Variants in ITGB4 observed in about 807,000 individuals in gnomAD.
ITGB4 encodes integrin subunit beta 4.
ITGB4 carries 159 observed loss-of-function variants against 207.6 expected under a neutral mutation model. The observed-to-expected ratio is 0.77, with a 90% CI of 0.67 to 0.87. ITGB4 has a LOEUF of 0.87. Ranked by LOEUF, ITGB4 falls within the 40% of genes least tolerant of loss-of-function variation. The probability of loss-of-function intolerance (pLI) is 0.00; values close to 1 mark genes in which losing one functional copy is unlikely to be tolerated. For missense variants in ITGB4, 2,278 were observed against 2,546.8 expected (o/e 0.89, Z 2.27); for synonymous variants, 1,020 against 1,062.7 (o/e 0.96, Z 0.78).
chr17:75,752,722 T>G, intron 32 of ITGB4, 145 bp downstream of exon 32: 1 of 1,031,076 alleles, frequency 9.7e-7, no homozygotes, highest in Non-Finnish European at 1.4e-6. Context: ...GGAGTGCACA[T>G]CTGTGCATGG....
In ITGB4 at chr17:75,736,489, A is replaced by T. The variant is rs775990858; in HGVS notation, c.1861-76A>T. On this transcript the variant is annotated intron_variant, in intron 15 of 39. Coordinates refer to ENST00000200181, the MANE Select transcript of ITGB4 (RefSeq NM_000213.5). ...GATGCCACAGGAGCTGGCCAAGGGC[A>T]AGAGGTTTGGGGAGCGGGGGTCTGG... is the stretch of plus-strand genomic sequence containing the variant. 23 of 1,605,542 alleles carry T rather than the reference A, an allele frequency of 1.4e-5. No homozygotes were observed. The Admixed American group carries it at 3.3e-4, about 23-fold the overall frequency.
chr17:75,733,724 G>A (rs376962333), intron 13 of ITGB4, 32 bp downstream of exon 13: 23 of 1,605,770 alleles, frequency 1.4e-5, no homozygotes, highest in Admixed American at 5.0e-5. Flanking sequence ...AATGCTGATG[G>A]CGGGGTAGGG....
rs1022455130 is a variant in ITGB4, at chr17:75,752,537, T to A, written c.4068T>A (p.Ser1356=). Residue 1356 remains serine (S), a synonymous_variant, in exon 32 of 40, where the codon TCT becomes TCA. Coordinates refer to ENST00000200181, the MANE Select transcript of ITGB4 (RefSeq NM_000213.5). ...TGTACAGCGATGACGTTCTACGCTC[T>A]CCATCGGGCAGCCAGAGGCCCAGCG... ...FLMYSDDVLR[S]PSGSQRPSVS... The A allele has an allele frequency of 1.2e-6, 2 of 1,613,588 alleles. No homozygotes were observed. Among genetic ancestry groups the A allele is most frequent in the Non-Finnish European group, 1.7e-6 (2 of 1,180,000 alleles).
In ITGB4 at chr17:75,750,847, C is replaced by T. The variant is rs1424067071; in HGVS notation, c.3642C>T (p.Arg1214=). 6.2e-7 allele frequency: 1 copy of T among 1,613,380 alleles called. No homozygotes were observed. Residue 1214 remains arginine, a synonymous_variant, in exon 29 of 40, where the codon CGC becomes CGT. Transcript: ENST00000200181. The surrounding 1 kb of genome is among the most constrained non-coding windows in gnomAD (Gnocchi z 5.5). The stretch of plus-strand genomic sequence containing the variant: ...CCTACAGCTCCCTGGTGTCCTGCCG[C>T]ACCCACCAGGAAGGTGAGGCCTCGC... ...EGPYSSLVSC[R]THQEVPSEPG... is the part of the protein sequence containing the mutation.
intron 30 of ITGB4, chr17:75,751,696 G>A (rs909532351): frequency 8.9e-6 from 2 of 225,800 alleles, no homozygotes; most frequent in Admixed American, 5.2e-5. Context: ...AACCGAGATC[G>A]TGTTACCGCA....
rs959591064 is a variant in ITGB4 at position 75,750,335 on chromosome 17, G to A, written c.3474+67G>A. The A allele has an allele frequency of 1.6e-5, 25 of 1,530,290 alleles. No individual in the cohort carries two copies. In the Middle Eastern group the frequency reaches 7.9e-4, roughly 48 times the overall value. 94.8% of individuals were successfully genotyped at this position (1,530,290 alleles called of 1,614,324 possible). ...TCTGGCACCAGCACTCACAGAAGAG[G>A]TGGGCCGTCCAAGGCCAGGGCCCCC... is the stretch of plus-strand genomic sequence containing the variant. On this transcript the variant is annotated intron_variant, in intron 28 of 39. Coordinates refer to ENST00000200181, the MANE Select transcript of ITGB4 (RefSeq NM_000213.5). This position sits in a 1 kb window ranked among gnomAD's most constrained non-coding sequence, Gnocchi z 5.5.
chr17:75,728,450 G>T lies in ITGB4; in HGVS notation c.543G>T (p.Pro181=). The T allele has an allele frequency of 6.2e-7, 1 of 1,613,990 alleles. No individual in the cohort carries two copies. Among genetic ancestry groups the T allele is most frequent in the Non-Finnish European group, 8.5e-7 (1 of 1,179,896 alleles). ...FGKFVDKVSV[P]QTDMRPEKLK... is the part of the protein sequence containing the mutation. ...AGTTTGTGGACAAAGTCAGCGTCCCGCAGACGGACATGAGGCCTGAGAAGT... is the reference window on the plus strand; with the variant it reads ...AGTTTGTGGACAAAGTCAGCGTCCCTCAGACGGACATGAGGCCTGAGAAGT... The change falls in exon 6 of 40, where the codon CCG becomes CCT. Residue 181 remains proline (P), a synonymous_variant. Coordinates refer to ENST00000200181, the MANE Select transcript of ITGB4 (RefSeq NM_000213.5).
chr17:75,732,540 C>T lies in ITGB4; in HGVS notation c.1454+301C>T, dbSNP rs993770173. On this transcript the variant is annotated intron_variant, in intron 12 of 39. Transcript: ENST00000200181. The surrounding 1 kb of genome is among the most constrained non-coding windows in gnomAD (Gnocchi z 5.3). ...AGGCACACGAGGCTTCCTTTTTGCT[C>T]CATGCCTTTGGTATTCTGAGTCCTG... is the stretch of plus-strand genomic sequence containing the variant. Among the ~76,000 whole-genome samples the T allele has an allele frequency of 1.3e-5, 2 of 152,154 alleles. No homozygotes were observed. Among genetic ancestry groups the T allele is most frequent in the African/African-American group, 4.8e-5 (2 of 41,420 alleles).
intron 35 of ITGB4, 138 bp from the exon 36 acceptor site, chr17:75,756,291 T>C: frequency 2.3e-6 from 2 of 859,000 alleles, no homozygotes; most frequent in South Asian, 3.1e-5. Context: ...TACCATACTG[T>C]ACCCAACCTG....
At chr17:75,741,307 C>G (rs2061104300) in intron 23 of ITGB4, among the ~76,000 whole-genome samples, 1 of 152,186 alleles carries the variant, frequency 6.6e-6, no homozygotes, top group African/African-American at 2.4e-5. Flanking sequence ...AGGTACCCAT[C>G]TCCATCCGCT....
chr17:75,748,560 C>T (rs1471365134), intron 26 of ITGB4, among the ~76,000 whole-genome samples: 2 of 151,554 alleles, frequency 1.3e-5, no homozygotes, highest in Non-Finnish European at 2.9e-5. Flanking sequence ...ATCCCAGCTA[C>T]TCAGGAAGAT....
Position 75,757,074 on chromosome 17 carries a change from G to T in ITGB4, c.5185G>T (p.Glu1729Ter), listed in dbSNP as rs1483655550. The change falls in exon 38 of 40, where the codon GAG becomes TAG. Residue 1729 changes from glutamate (E) to a stop codon, truncating the protein, a stop_gained. Transcript: ENST00000200181. LOFTEE classifies it high-confidence loss of function. The stretch of plus-strand genomic sequence containing the variant: ...CACTGAGGGCTTCGGGCCAGAGCGC[G>T]AGGGCATCATCACCATAGAGTCCCA... The part of the protein sequence containing the change: ...RTTEGFGPER[E>*]GIITIESQDG... The T allele has an allele frequency of 6.2e-7, 1 of 1,612,888 alleles. No homozygotes were observed. The highest frequency in any genetic ancestry group is 8.5e-7 in the Non-Finnish European group (1 of 1,179,944).
chr17:75,756,303 A>G, intron 35 of ITGB4, 126 bp from the exon 36 acceptor site: 1 of 1,017,388 alleles, frequency 9.8e-7, no homozygotes, highest in Non-Finnish European at 1.5e-6. Flanking sequence ...CCCAACCTGT[A>G]CCCAAACCAC....
At chr17:75,726,188 C>T (rs973389542) in intron 2 of ITGB4, among the ~76,000 whole-genome samples, 19 of 152,356 alleles carry the variant, frequency 1.2e-4, no homozygotes, top group Non-Finnish European at 2.5e-4. Flanking sequence ...TGCAGTGGCT[C>T]ACGCCTATAA....
chr17:75,755,080 G>T (rs761964471), intron 34 of ITGB4: 3 of 1,601,072 alleles, frequency 1.9e-6, no homozygotes, highest in East Asian at 2.3e-5. Context: ...GGGAACACGG[G>T]AGGAGCAGGC....
intron 2 of ITGB4, among the ~76,000 whole-genome samples, chr17:75,725,664 A>G (rs2060704046): frequency 6.6e-6 from 1 of 152,170 alleles, no homozygotes; most frequent in African/African-American, 2.4e-5. Context: ...GAAGCCCAGG[A>G]GACCTCTTAC....
chr17:75,723,148 C>T (rs917078212), intron 1 of ITGB4, among the ~76,000 whole-genome samples: 9 of 152,166 alleles, frequency 5.9e-5, no homozygotes, highest in African/African-American at 2.2e-4. Flanking sequence ...CAGAGCAGGG[C>T]CCTGTCCTGG....
chr17:75,737,434 C>G lies in ITGB4; in HGVS notation c.2103C>G (p.His701Gln). 1 of 1,555,172 alleles carries G rather than the reference C, an allele frequency of 6.4e-7. No individual in the cohort carries two copies. Among genetic ancestry groups the G allele is most frequent in the Non-Finnish European group, 8.7e-7 (1 of 1,149,200 alleles). The change falls in exon 17 of 40, where the codon CAC (histidine) becomes CAG (glutamine). Residue 701 changes from histidine to glutamine, a missense_variant. His to Gln is a conservative substitution (Grantham distance 24). Transcript: ENST00000200181. ...APGPNSTVLV[H>Q]KKKDCPPGSF... The stretch of plus-strand genomic sequence containing the variant: ...GGCCCAACAGCACTGTCCTGGTGCA[C>G]AAGAAGAAGGGTGAGCTGGTGGGGC...
At chr17:75,746,952 C>T (rs971181047) in intron 26 of ITGB4, among the ~76,000 whole-genome samples, 4 of 137,414 alleles carry the variant, frequency 2.9e-5, no homozygotes, top group African/African-American at 1.1e-4. Context: ...AAAAAAAAAG[C>T]TTTGATATTT....
Sources: gnomAD v4.1 joint callset for allele counts (sites outside exome capture counted in the v4.1 genomes callset) on GRCh38, gnomAD v4.1.1 for gene constraint, Gnocchi (gnomAD v3.1) non-coding constraint, MANE v1.5 for transcripts, NCBI Gene and HGNC (gene_info 2026-07-23, HGNC 2026-07-21) for gene names.